Variants in IGSF5 observed in about 807,000 individuals in gnomAD.
IGSF5 encodes immunoglobulin superfamily member 5, also known as immunoglobulin superfamily 5 like.
Under a neutral mutation model 39.4 loss-of-function variants are expected in IGSF5, and 41 were observed. The observed-to-expected ratio is 1.04, with a 90% confidence interval of 0.81 to 1.35. The LOEUF is 1.35. Ranked by LOEUF, IGSF5 falls within the 40% of genes most tolerant of loss-of-function variation. The pLI is 0.00. For synonymous variants in IGSF5, 183 were observed against 175.3 expected (o/e 1.04, Z -0.34); for missense variants, 487 against 494.6 (o/e 0.98, Z 0.15).
In IGSF5 at chr21:39,779,165, G is replaced by T. The variant is rs112596313; in HGVS notation, c.794G>T (p.Gly265Val). The change falls in exon 5 of 9, where the codon GGC becomes GTC. Residue 265 changes from glycine (G) to valine (V), a missense_variant. Physicochemically the swap from Gly to Val is moderately radical, Grantham distance 109. Coordinates refer to ENST00000380588, the MANE Select transcript of IGSF5 (RefSeq NM_001080444.2). The part of the protein sequence containing the change: ...PSLGFSLPTW[G>V]KVGLGLAGTM... Reference sequence around the variant, plus strand: ...TTAGGTTTTTCATTGCCTACTTGGGGCAAAGTTGGACTTGGACTAGCAGGC... The same window carrying T: ...TTAGGTTTTTCATTGCCTACTTGGGTCAAAGTTGGACTTGGACTAGCAGGC... 2.2e-4 allele frequency: 362 copies of T among 1,614,050 alleles called. No individual in the cohort carries two copies. In the African/African-American group the frequency reaches 3.8e-3, roughly 17 times the overall value.
chr21:39,758,233 C>A (rs2080042644), intron 2 of IGSF5, among the ~76,000 whole-genome samples: 1 of 152,052 alleles, frequency 6.6e-6, no homozygotes, highest in Non-Finnish European at 1.5e-5. Context: ...CCAGAAGGGT[C>A]TTTCTCAGCC....
intron 2 of IGSF5, among the ~76,000 whole-genome samples, chr21:39,757,117 G>C (rs1017370082): frequency 1.3e-5 from 2 of 151,898 alleles, no homozygotes; most frequent in African/African-American, 2.4e-5. Context: ...TGCGGCGGCT[G>C]TTGTCTCACC....
At chr21:39,742,012 G>A (rs1034210000), upstream of IGSF5, among the ~76,000 whole-genome samples, 5 of 151,986 alleles carry the variant, frequency 3.3e-5, no homozygotes, top group African/African-American at 1.2e-4. Context: ...TGGAGTCTTT[G>A]TTGGGCCTCG....
chr21:39,745,813 T>C (rs770265020), intron 1 of IGSF5, among the ~76,000 whole-genome samples: 16 of 152,130 alleles, frequency 1.1e-4, no homozygotes, highest in Non-Finnish European at 1.9e-4. Flanking sequence ...TGTCCGGTAT[T>C]TTCCTCCACC....
upstream of IGSF5, among the ~76,000 whole-genome samples, chr21:39,744,708 C>CT (rs1950243807): frequency 6.6e-6 from 1 of 152,254 alleles, no homozygotes; most frequent in South Asian, 2.1e-4. Flanking sequence ...TGGCCCCATA[C>CT]TTTAAGATTT....
intron 2 of IGSF5, among the ~76,000 whole-genome samples, chr21:39,758,806 G>T (rs1470882774): frequency 6.6e-6 from 1 of 152,160 alleles, no homozygotes; most frequent in African/African-American, 2.4e-5. Flanking sequence ...TTGCTTCAGG[G>T]GTGTTAGTTT....
intron 2 of IGSF5, among the ~76,000 whole-genome samples, chr21:39,748,651 C>G (rs903958959): frequency 3.3e-5 from 5 of 152,250 alleles, no homozygotes; most frequent in Middle Eastern, 3.4e-3. Context: ...AAGGCTTCAT[C>G]TCTAAATACC....
Position 39,801,364 on chromosome 21 carries a change from C to T in IGSF5, c.*7C>T, listed in dbSNP as rs1177919115. 4 of 1,596,672 alleles carry T rather than the reference C, an allele frequency of 2.5e-6. No homozygotes were observed. In the South Asian group the frequency reaches 3.3e-5, roughly 13 times the overall value. ...TAATACAACTGTAGTATAGCAAAGC[C>T]TTCCCCAAGCTCCACTGAGCACTTG... On this transcript the variant is annotated 3_prime_UTR_variant, in exon 9 of 9. Transcript: ENST00000380588.
chr21:39,801,370 C>G lies in IGSF5; in HGVS notation c.*13C>G, dbSNP rs374007298. The G allele has an allele frequency of 1.2e-5, 19 of 1,583,366 alleles. No homozygotes were observed. The African/African-American group carries it at 1.9e-4, about 16-fold the overall frequency. ...AACTGTAGTATAGCAAAGCCTTCCC[C>G]AAGCTCCACTGAGCACTTGGCTGAC... On this transcript the variant is annotated 3_prime_UTR_variant, in exon 9 of 9. Transcript: ENST00000380588.
chr21:39,750,181 C>A (rs1602364096), intron 2 of IGSF5, among the ~76,000 whole-genome samples: 2 of 152,304 alleles, frequency 1.3e-5, no homozygotes, highest in South Asian at 4.1e-4. Context: ...ATTTATTTTC[C>A]TTTCACACCT....
intron 7 of IGSF5, among the ~76,000 whole-genome samples, chr21:39,792,886 T>C (rs1443714719): frequency 6.6e-6 from 1 of 152,200 alleles, no homozygotes; most frequent in African/African-American, 2.4e-5. Flanking sequence ...ACAGGACACC[T>C]GCCCTCACAG....
chr21:39,794,585 A>G (rs955489693), intron 8 of IGSF5, among the ~76,000 whole-genome samples: 1 of 152,246 alleles, frequency 6.6e-6, no homozygotes, highest in Non-Finnish European at 1.5e-5. Context: ...GGTAGAATAT[A>G]TATAACCAAC....
chr21:39,753,184 G>C (rs2080014070), intron 2 of IGSF5, among the ~76,000 whole-genome samples: 1 of 152,066 alleles, frequency 6.6e-6, no homozygotes, highest in African/African-American at 2.4e-5. Flanking sequence ...TGAGAGATGG[G>C]GATCCAGTTT....
At chr21:39,724,065 C>CA in the IGSF5 span, among the ~76,000 whole-genome samples, 1 of 124,500 alleles carries the variant, frequency 8.0e-6, no homozygotes, top group Non-Finnish European at 1.6e-5. Flanking sequence ...GACCCTGTCT[C>CA]AAAAAATAAA....
At chr21:39,719,730 C>G in the IGSF5 span, among the ~76,000 whole-genome samples, 1 of 152,228 alleles carries the variant, frequency 6.6e-6, no homozygotes. Context: ...AAAATATTTT[C>G]CTACAGGTAT....
chr21:39,773,859 G>C (rs376306616), intron 4 of IGSF5, among the ~76,000 whole-genome samples: 1 of 152,226 alleles, frequency 6.6e-6, no homozygotes, highest in African/African-American at 2.4e-5. Flanking sequence ...TCTTAACGAG[G>C]TAACGATGCA....
intron 3 of IGSF5, 64 bp from the exon 4 acceptor site, chr21:39,770,852 A>AGAAAACTT (rs1464240562): frequency 2.5e-5 from 30 of 1,195,674 alleles, no homozygotes; most frequent in Non-Finnish European, 3.2e-5. Context: ...GAAAAAAAAA[A>AGAAAACTT]AGAAAACTTA....
chr21:39,740,029 G>A, the IGSF5 span, among the ~76,000 whole-genome samples: 17 of 152,290 alleles, frequency 1.1e-4, no homozygotes, highest in African/African-American at 3.8e-4. Flanking sequence ...GAAAGTTTTG[G>A]TGAGTGGTTT....
At chr21:39,796,393 C>G (rs1387964067) in intron 8 of IGSF5, among the ~76,000 whole-genome samples, 1 of 152,240 alleles carries the variant, frequency 6.6e-6, no homozygotes, top group African/African-American at 2.4e-5. Context: ...ATGAGGACCT[C>G]TGAATTCCGA....
Sources: gnomAD v4.1 joint callset for allele counts (sites outside exome capture counted in the v4.1 genomes callset) on GRCh38, gnomAD v4.1.1 for gene constraint, MANE v1.5 for transcripts, NCBI Gene and HGNC (gene_info 2026-07-23, HGNC 2026-07-21) for gene names.